Variants in ZDHHC20 observed in about 807,000 individuals in gnomAD.
ZDHHC20 encodes palmitoyltransferase ZDHHC20.
In ZDHHC20, 43 loss-of-function variants were observed where a neutral mutation model predicts 57.8. The ratio of observed to expected loss-of-function variants is 0.74; its 90% confidence interval spans 0.58 to 0.96. ZDHHC20 has a LOEUF of 0.96. ZDHHC20 is among the 40% of genes least tolerant of loss of function. The pLI is 0.00. For missense variants in ZDHHC20, 391 were observed against 441.1 expected (o/e 0.89, Z 1.02); for synonymous variants, 157 against 153.0 (o/e 1.03, Z -0.19).
chr13:21,426,766 T>G (rs1254727226), intron 1 of ZDHHC20, among the ~76,000 whole-genome samples: 1 of 152,000 alleles, frequency 6.6e-6, no homozygotes, highest in East Asian at 1.9e-4. Context: ...CCACCACGCC[T>G]GGCTAATTTT....
intron 1 of ZDHHC20, among the ~76,000 whole-genome samples, chr13:21,457,903 T>TA (rs1347265250): frequency 6.6e-6 from 1 of 152,188 alleles, no homozygotes; most frequent in Non-Finnish European, 1.5e-5. Flanking sequence ...CATAAAATGG[T>TA]AGATTCAGTC....
chr13:21,415,427 C>A (rs1879834124), intron 3 of ZDHHC20, among the ~76,000 whole-genome samples: 1 of 152,146 alleles, frequency 6.6e-6, no homozygotes, highest in Non-Finnish European at 1.5e-5. Flanking sequence ...GGACAAGAAA[C>A]CCCCAAATTA....
intron 1 of ZDHHC20, among the ~76,000 whole-genome samples, chr13:21,439,116 A>G (rs1451151826): frequency 2.6e-5 from 4 of 152,216 alleles, no homozygotes; most frequent in African/African-American, 7.2e-5. Flanking sequence ...ATGAAATCAA[A>G]CCTGCAATTT....
In ZDHHC20 at chr13:21,389,594, G is replaced by A. The variant is rs962553482; in HGVS notation, c.728-1960C>T. On this transcript the variant is annotated intron_variant, in intron 8 of 12. Coordinates refer to ENST00000400590, the MANE Select transcript of ZDHHC20 (RefSeq NM_001330059.2). Reference sequence around the variant, plus strand: ...GGCAAAAAAAAGTTTGAAAAAGATTGTTCAAGAGAATAGCAGGTTCCCTAG... The same window carrying A: ...GGCAAAAAAAAGTTTGAAAAAGATTATTCAAGAGAATAGCAGGTTCCCTAG... Among the ~76,000 whole-genome samples, 3 of 152,276 alleles carry A rather than the reference G, an allele frequency of 2.0e-5. No homozygotes were observed. In the South Asian group the frequency reaches 6.2e-4, roughly 32 times the overall value.
At chr13:21,414,186 C>T (rs1171069588) in intron 3 of ZDHHC20, among the ~76,000 whole-genome samples, 5 of 150,450 alleles carry the variant, frequency 3.3e-5, no homozygotes, top group African/African-American at 1.2e-4. Context: ...GTCATGGGGT[C>T]CCGCTAATTT....
At chr13:21,453,590 GA>G (rs1483594363) in intron 1 of ZDHHC20, among the ~76,000 whole-genome samples, 5 of 152,104 alleles carry the variant, frequency 3.3e-5, no homozygotes, top group Non-Finnish European at 5.9e-5. Context: ...AAACAAGCCT[GA>G]ATACATTTTA....
chr13:21,449,897 G>A (rs1884282286), intron 1 of ZDHHC20, among the ~76,000 whole-genome samples: 1 of 152,064 alleles, frequency 6.6e-6, no homozygotes, highest in South Asian at 2.1e-4. Flanking sequence ...CTCCCAAAAT[G>A]CTGGGATTAC....
chr13:21,456,318 G>T (rs1884923818), intron 1 of ZDHHC20, among the ~76,000 whole-genome samples: 3 of 152,178 alleles, frequency 2.0e-5, no homozygotes, highest in Non-Finnish European at 4.4e-5. Flanking sequence ...GCTGAGGCAG[G>T]AGAGTCACTT....
chr13:21,394,528 C>T (rs778156686), intron 7 of ZDHHC20, among the ~76,000 whole-genome samples: 1 of 152,156 alleles, frequency 6.6e-6, no homozygotes, highest in Non-Finnish European at 1.5e-5. Flanking sequence ...CTCTAGAGTA[C>T]TACCTGCCAT....
intron 1 of ZDHHC20, among the ~76,000 whole-genome samples, chr13:21,455,449 G>T (rs116233775): frequency 1.3e-5 from 2 of 151,876 alleles, no homozygotes; most frequent in Non-Finnish European, 2.9e-5. Context: ...CAATCCATTC[G>T]TACTTTAAAT....
At chr13:21,427,187 C>T (rs987864641) in intron 1 of ZDHHC20, among the ~76,000 whole-genome samples, 53 of 151,982 alleles carry the variant, frequency 3.5e-4, no homozygotes, top group African/African-American at 1.3e-3. Flanking sequence ...GTCAATATGT[C>T]TGTCTCACCT....
At chr13:21,423,569 T>C (rs867720832) in intron 2 of ZDHHC20, among the ~76,000 whole-genome samples, 1 of 151,792 alleles carries the variant, frequency 6.6e-6, no homozygotes, top group Non-Finnish European at 1.5e-5. Context: ...AGCTACTTGG[T>C]AGGCTGAGGT....
chr13:21,447,497 C>G (rs1022240309), intron 1 of ZDHHC20, among the ~76,000 whole-genome samples: 4 of 146,256 alleles, frequency 2.7e-5, no homozygotes, highest in African/African-American at 9.9e-5. Context: ...TTGGCCGGGC[C>G]GGTCTCCAGC....
chr13:21,395,496 C>CTTTT (rs201405874), intron 7 of ZDHHC20, among the ~76,000 whole-genome samples: 16 of 120,476 alleles, frequency 1.3e-4, no homozygotes, highest in South Asian at 2.8e-4. Flanking sequence ...CTTTTCTTTT[C>CTTTT]TTTTTTTTTT....
chr13:21,395,089 T>TA (rs764938635), intron 7 of ZDHHC20, among the ~76,000 whole-genome samples: 1 of 149,168 alleles, frequency 6.7e-6, no homozygotes, highest in Non-Finnish European at 1.5e-5. Context: ...TTTTTTGAGA[T>TA]AGAGTCTCGA....
intron 1 of ZDHHC20, among the ~76,000 whole-genome samples, chr13:21,439,967 C>T (rs898286052): frequency 6.7e-6 from 1 of 148,802 alleles, no homozygotes; most frequent in Admixed American, 6.8e-5. Flanking sequence ...CTCAACAGGC[C>T]GAGGCACAAG....
In ZDHHC20 at chr13:21,373,915, TAAATC is replaced by T; in HGVS notation, c.*2776_*2780del. 1.3e-5 allele frequency: 2 copies of T among 152,426 alleles called. No homozygotes were observed. Among genetic ancestry groups the T allele is most frequent in the Middle Eastern group, 6.8e-3 (2 of 294 alleles). The allele number at this position is 152,426 out of a possible 1,614,324, so 9.4% of individuals were successfully genotyped here. ...ACGTGGCAAAATGCTGGCTGTAAAT[TAAATC>T]AAAGATAAGTAATTCAAAGGCTTTA... On this transcript the variant is annotated 3_prime_UTR_variant, in exon 13 of 13. Coordinates refer to ENST00000400590, the MANE Select transcript of ZDHHC20 (RefSeq NM_001330059.2).
At chr13:21,435,149 T>C (rs752155468) in intron 1 of ZDHHC20, among the ~76,000 whole-genome samples, 1 of 152,222 alleles carries the variant, frequency 6.6e-6, no homozygotes, top group Non-Finnish European at 1.5e-5. Flanking sequence ...GTATTTATCT[T>C]ATAAGTGAGG....
chr13:21,385,868 A>G (rs114791416), intron 9 of ZDHHC20, among the ~76,000 whole-genome samples: 2,092 of 152,340 alleles, frequency 0.014, 56 homozygotes, highest in African/African-American at 0.048. Context: ...AGGGGAAAGG[A>G]TAGTAATTTA....
Sources: gnomAD v4.1 joint callset for allele counts (sites outside exome capture counted in the v4.1 genomes callset) on GRCh38, gnomAD v4.1.1 for gene constraint, MANE v1.5 for transcripts, NCBI Gene and HGNC (gene_info 2026-07-23, HGNC 2026-07-21) for gene names.